The following NTM variants were observed in gnomAD, a reference collection of about 807,000 sequenced individuals.
NTM encodes the protein neurotrimin.
In NTM, 13 loss-of-function variants were observed where a neutral mutation model predicts 42.1. The ratio of observed to expected loss-of-function variants is 0.31; its 90% CI spans 0.20 to 0.49. NTM has a LOEUF of 0.49. Ranked by LOEUF, NTM falls within the 20% of genes least tolerant of loss-of-function variation. The pLI is 0.99. For synonymous variants in NTM, 187 were observed against 179.2 expected (o/e 1.04, Z -0.35); for missense variants, 373 against 452.8 (o/e 0.82, Z 1.60).
chr11:131,445,464 T>A (rs972772038), intron 1 of NTM, among the ~76,000 whole-genome samples: 112 of 152,314 alleles, frequency 7.4e-4, no homozygotes, highest in African/African-American at 2.6e-3. Flanking sequence ...AGACAAGACC[T>A]GGGGATCACT....
intron 1 of NTM, among the ~76,000 whole-genome samples, chr11:131,844,721 T>G (rs1442900670): frequency 6.6e-6 from 1 of 152,188 alleles, no homozygotes; most frequent in Non-Finnish European, 1.5e-5. Context: ...ACAAACTCTA[T>G]TTTTGTTGTT....
intron 4 of NTM, among the ~76,000 whole-genome samples, chr11:132,245,971 C>CCGGG (rs1566567809): frequency 1.3e-5 from 2 of 152,162 alleles, no homozygotes; most frequent in African/African-American, 4.8e-5. Flanking sequence ...TCTTTTCTCC[C>CCGGG]CGGGCGGCCA....
intron 1 of NTM, among the ~76,000 whole-genome samples, chr11:131,413,616 T>C (rs1401443083): frequency 6.6e-6 from 1 of 152,214 alleles, no homozygotes; most frequent in Non-Finnish European, 1.5e-5. Context: ...TATCACAGTC[T>C]GAGAGAACCA....
intron 4 of NTM, among the ~76,000 whole-genome samples, chr11:132,251,184 TG>T (rs2091901901): frequency 6.6e-6 from 1 of 152,212 alleles, no homozygotes; most frequent in Non-Finnish European, 1.5e-5. Context: ...CTCCACTTAT[TG>T]TACAGAGCTT....
At chr11:131,822,425 G>T (rs572590947) in intron 1 of NTM, among the ~76,000 whole-genome samples, 2 of 152,208 alleles carry the variant, frequency 1.3e-5, no homozygotes, top group African/African-American at 2.4e-5. Flanking sequence ...TAATAAAATG[G>T]AATTGCACTA....
chr11:131,707,482 C>A (rs909135741), intron 1 of NTM, among the ~76,000 whole-genome samples: 2 of 151,992 alleles, frequency 1.3e-5, no homozygotes, highest in Admixed American at 6.6e-5. Flanking sequence ...CTTCAATATA[C>A]CAATGTCAAT....
rs1356963768 is a variant in NTM at position 131,881,250 on chromosome 11, T to G, written c.83-30314T>G. Among the ~76,000 whole-genome samples, 5 of 152,272 alleles carry G rather than the reference T, an allele frequency of 3.3e-5. No homozygotes were observed. The East Asian group carries it at 9.7e-4, about 29-fold the overall frequency. ...CGCGTTGAGTGCTTAATATGAGAAA[T>G]TAAGACAATAAGGACATAGGCAAAT... On this transcript the variant is annotated intron_variant, in intron 1 of 8. Coordinates refer to ENST00000683400, the MANE Select transcript of NTM (RefSeq NM_001352005.2).
At chr11:131,512,896 T>C (rs1222757356) in intron 1 of NTM, among the ~76,000 whole-genome samples, 1 of 150,070 alleles carries the variant, frequency 6.7e-6, no homozygotes, top group Admixed American at 6.7e-5. Flanking sequence ...TTCTGCAAAG[T>C]TTTTCCTCCC....
intron 1 of NTM, among the ~76,000 whole-genome samples, chr11:131,660,034 A>G (rs1439989834): frequency 1.3e-5 from 2 of 152,192 alleles, no homozygotes; most frequent in Non-Finnish European, 2.9e-5. Flanking sequence ...TCTTGCAAGT[A>G]GAATGCTCAG....
chr11:131,688,581 T>C (rs2134977313), intron 1 of NTM, among the ~76,000 whole-genome samples: 1 of 152,322 alleles, frequency 6.6e-6, no homozygotes, highest in East Asian at 1.9e-4. Flanking sequence ...GCCCCCTCTG[T>C]GCCCCGGGTT....
intron 2 of NTM, among the ~76,000 whole-genome samples, chr11:132,064,913 G>A (rs2081217830): frequency 6.6e-6 from 1 of 152,086 alleles, no homozygotes; most frequent in Non-Finnish European, 1.5e-5. Context: ...TTTTACCCGT[G>A]TTTCCTCATT....
chr11:131,770,816 C>A (rs999853226), intron 1 of NTM: 69 of 152,190 alleles, frequency 4.5e-4, no homozygotes, highest in African/African-American at 1.7e-3. Context: ...TCTCATTTGC[C>A]ACTGTTTCTT....
At chr11:131,441,767 A>G (rs972206536) in intron 1 of NTM, among the ~76,000 whole-genome samples, 1 of 152,200 alleles carries the variant, frequency 6.6e-6, no homozygotes, top group Admixed American at 6.5e-5. Context: ...CACAGACTGG[A>G]ATAGGGTTGT....
chr11:131,643,033 A>G (rs2065321119), intron 1 of NTM, among the ~76,000 whole-genome samples: 1 of 147,156 alleles, frequency 6.8e-6, no homozygotes, highest in South Asian at 2.2e-4. Context: ...TACATTCTAC[A>G]CTTAAAGGAA....
chr11:131,516,352 C>G (rs1565589413), intron 1 of NTM, among the ~76,000 whole-genome samples: 1 of 152,214 alleles, frequency 6.6e-6, no homozygotes, highest in Admixed American at 6.5e-5. Context: ...AGCCTGTGCC[C>G]TTTGTGCAAG....
intron 1 of NTM, among the ~76,000 whole-genome samples, chr11:131,685,368 G>A (rs756012478): frequency 8.5e-5 from 13 of 152,160 alleles, no homozygotes; most frequent in East Asian, 1.9e-4. Flanking sequence ...ATGGAGAGTC[G>A]GGCAGGCAGG....
intron 1 of NTM, among the ~76,000 whole-genome samples, chr11:131,878,282 A>G (rs912515018): frequency 6.6e-6 from 1 of 151,886 alleles, no homozygotes; most frequent in Non-Finnish European, 1.5e-5. Context: ...AATAAAAAAT[A>G]TGTCTTGGCC....
intron 1 of NTM, among the ~76,000 whole-genome samples, chr11:131,862,104 C>T (rs1024862875): frequency 3.9e-5 from 6 of 152,172 alleles, no homozygotes; most frequent in African/African-American, 1.2e-4. Context: ...GTGGGCAGAG[C>T]ACGTGTGTTG....
intron 3 of NTM, among the ~76,000 whole-genome samples, chr11:132,201,494 T>C (rs964478744): frequency 6.6e-6 from 1 of 152,148 alleles, no homozygotes; most frequent in African/African-American, 2.4e-5. Flanking sequence ...TCAAAGGATA[T>C]GGCAAGGCTA....
Sources: allele counts gnomAD v4.1 joint callset (sites outside exome capture counted in the v4.1 genomes callset), GRCh38; gene constraint gnomAD v4.1.1; transcripts MANE v1.5; gene names NCBI Gene and HGNC (gene_info 2026-07-23, HGNC 2026-07-21).